Variants in AGL observed in about 807,000 individuals in gnomAD.
AGL encodes amylo-alpha-1,6-glucosidase and 4-alpha-glucanotransferase, also known as glycogen debranching enzyme.
In AGL, 128 loss-of-function variants were observed where a neutral mutation model predicts 199.3. The ratio of observed to expected loss-of-function variants is 0.64; its 90% CI spans 0.56 to 0.74. AGL has a LOEUF of 0.74. Among genes scored for constraint, AGL ranks in the 30% least tolerant of loss-of-function variants. AGL has a pLI of 0.00. For missense variants in AGL, 1,809 were observed against 1,820.8 expected (o/e 0.99, Z 0.12); for synonymous variants, 584 against 594.7 (o/e 0.98, Z 0.26).
intron 25 of AGL, among the ~76,000 whole-genome samples, chr1:99,896,703 T>C (rs750339294): frequency 3.9e-5 from 6 of 152,230 alleles, no homozygotes; most frequent in Non-Finnish European, 7.3e-5. Flanking sequence ...TTGCTAGTTC[T>C]TTGTCTGAGT....
intron 21 of AGL, 131 bp downstream of exon 21, chr1:99,888,239 T>TACTTGCCAAAGGTC: frequency 8.6e-7 from 1 of 1,168,852 alleles, no homozygotes; most frequent in Non-Finnish European, 1.2e-6. Flanking sequence ...TTCTGCTCAT[T>TACTTGCCAAAGGTC]AATTGACCTT....
At chr1:99,863,630 T>C (rs1204029273) in intron 4 of AGL, among the ~76,000 whole-genome samples, 2 of 152,060 alleles carry the variant, frequency 1.3e-5, no homozygotes, top group African/African-American at 4.8e-5. Flanking sequence ...ATATTTTGTA[T>C]TTTTAGTAGA....
Position 99,913,682 on chromosome 1 carries a change from T to C in AGL, c.4105T>C (p.Ser1369Pro), listed in dbSNP as rs2100860247. 6.2e-7 allele frequency: 1 copy of C among 1,614,124 alleles called. No individual in the cohort carries two copies. Among genetic ancestry groups the C allele is most frequent in the Non-Finnish European group, 8.5e-7 (1 of 1,180,000 alleles). Residue 1369 changes from serine to proline, a missense_variant, in exon 30 of 34, where the codon TCA (serine) becomes CCA (proline). Coordinates refer to ENST00000361915, the MANE Select transcript of AGL (RefSeq NM_000642.3). ...CATATACAAAGATAGTTATGGAGCTTCAAGTCCTTGGTGTGACTATCAGCT... is the reference window on the plus strand; with the variant it reads ...CATATACAAAGATAGTTATGGAGCTCCAAGTCCTTGGTGTGACTATCAGCT... ...RGIYKDSYGA[S>P]SPWCDYQLRP...
At chr1:99,877,993 A>G (rs1484925380) in intron 12 of AGL, among the ~76,000 whole-genome samples, 165 bp downstream of exon 12, 3 of 152,172 alleles carry the variant, frequency 2.0e-5, no homozygotes, top group Non-Finnish European at 4.4e-5. Context: ...AATTCTAACA[A>G]TCTTTTGCAG....
chr1:99,887,922 C>G, intron 20 of AGL, 56 bp from the exon 21 acceptor site: 4 of 1,593,604 alleles, frequency 2.5e-6, no homozygotes, highest in Non-Finnish European at 3.4e-6. Context: ...TCTTTTGTTT[C>G]TATTGACAAC....
Position 99,916,723 on chromosome 1 carries a change from T to A in AGL, c.4473T>A (p.His1491Gln). Residue 1491 changes from histidine to glutamine, a missense_variant, in exon 33 of 34, where the codon CAT becomes CAA. His to Gln is a conservative substitution (Grantham distance 24). Coordinates refer to ENST00000361915, the MANE Select transcript of AGL (RefSeq NM_000642.3). The stretch of plus-strand genomic sequence containing the variant: ...ATGTTCTTTCCCGACATTATGTTCA[T>A]CTTGAGAGGTAAGTCATCAGGAGCA... ...VKNVLSRHYV[H>Q]LERSPWKGLP... 6.2e-7 allele frequency: 1 copy of A among 1,613,292 alleles called. No individual in the cohort carries two copies. Among genetic ancestry groups the A allele is most frequent in the Non-Finnish European group, 8.5e-7 (1 of 1,179,464 alleles).
intron 25 of AGL, among the ~76,000 whole-genome samples, chr1:99,899,474 T>C (rs1653620766): frequency 6.6e-6 from 1 of 152,154 alleles, no homozygotes; most frequent in Non-Finnish European, 1.5e-5. Context: ...GGTTGAATTA[T>C]GTTTTTCAAG....
At position 99,923,710 on chromosome 1, in the gene AGL, G is replaced by A. The variant is rs933132686; in HGVS notation, c.*2059G>A. On this transcript the variant is annotated 3_prime_UTR_variant, in exon 34 of 34. Coordinates refer to ENST00000361915, the MANE Select transcript of AGL (RefSeq NM_000642.3). ...AGGTGTCATTTGACTAAACGTTTCG[G>A]TAGAATGCTTCATACTTGAGTGATG... 2 of 152,166 alleles carry A rather than the reference G, an allele frequency of 1.3e-5. No homozygotes were observed. The highest frequency in any genetic ancestry group is 3.8e-4 in the East Asian group (2 of 5,196). 9.4% of individuals were successfully genotyped at this position (152,166 alleles called of 1,614,324 possible).
chr1:99,894,796 A>T (rs892057916), intron 24 of AGL, among the ~76,000 whole-genome samples: 1 of 152,128 alleles, frequency 6.6e-6, no homozygotes, highest in Non-Finnish European at 1.5e-5. Flanking sequence ...CAGTCATCAA[A>T]TATTTATAGG....
At position 99,901,994 on chromosome 1, in the gene AGL, A is replaced by G. The variant is rs1418788491; in HGVS notation, c.3589-689A>G. Among the ~76,000 whole-genome samples, 5 of 152,164 alleles carry G rather than the reference A, an allele frequency of 3.3e-5. No individual in the cohort carries two copies. In the East Asian group the frequency reaches 9.7e-4, roughly 29 times the overall value. ...TCTCACAGTTTATCCAAAAATATTC[A>G]CAGCATTATAATTTTTATAATTAAT... On this transcript the variant is annotated intron_variant, in intron 26 of 33. Transcript: ENST00000361915.
At chr1:99,874,628 A>T in intron 7 of AGL, 59 bp from the exon 8 acceptor site, 1 of 1,503,250 alleles carries the variant, frequency 6.7e-7, no homozygotes, top group Middle Eastern at 1.7e-4. Flanking sequence ...GAAAATAGTG[A>T]CAGTTATAAT....
intron 31 of AGL, 146 bp downstream of exon 31, chr1:99,915,632 G>C: frequency 1.5e-6 from 1 of 686,194 alleles, no homozygotes; most frequent in Non-Finnish European, 2.5e-6. Flanking sequence ...TTAGTTGGGA[G>C]AGATTGTGTA....
At chr1:99,873,433 CTTTTT>C (rs553707025) in intron 7 of AGL, among the ~76,000 whole-genome samples, 2 of 131,174 alleles carry the variant, frequency 1.5e-5, no homozygotes, top group Non-Finnish European at 1.6e-5. Flanking sequence ...TGGCAGTGTT[CTTTTT>C]TTTTTTTTTT....
At chr1:99,900,910 A>G (rs1653785552) in intron 26 of AGL, 49 bp downstream of exon 26, 1 of 1,395,306 alleles carries the variant, frequency 7.2e-7, no homozygotes, top group Non-Finnish European at 1.0e-6. Context: ...TTTTTTCTGA[A>G]AAATGACTTT....
In AGL at chr1:99,864,269, G is replaced by T. The variant is rs534662; in HGVS notation, c.461-117G>T. Reference sequence around the variant, plus strand: ...CAAGTGTTTGACCTCTTTTCCAGTAGCATGCTTGCCTTGCTATTTATAATT... The same window carrying T: ...CAAGTGTTTGACCTCTTTTCCAGTATCATGCTTGCCTTGCTATTTATAATT... On this transcript the variant is annotated intron_variant, in intron 4 of 33. Coordinates refer to ENST00000361915, the MANE Select transcript of AGL (RefSeq NM_000642.3). The T allele has an allele frequency of 7.9e-3, 7,345 of 929,334 alleles. 343 individuals carry two copies. The African/African-American group carries it at 0.11, about 13-fold the overall frequency. 57.6% of individuals were successfully genotyped at this position (929,334 alleles called of 1,614,324 possible). A position where few individuals can be genotyped will look rare whatever the true frequency, so the allele number is the denominator to read the frequency against.
chr1:99,860,858 C>T (rs965756223), intron 2 of AGL, among the ~76,000 whole-genome samples: 7 of 152,282 alleles, frequency 4.6e-5, no homozygotes, highest in East Asian at 1.9e-4. Flanking sequence ...GCAAACACTC[C>T]AAGTCAGAGG....
chr1:99,877,566 A>G, intron 11 of AGL, 75 bp from the exon 12 acceptor site: 1 of 1,374,896 alleles, frequency 7.3e-7, no homozygotes, highest in South Asian at 1.2e-5. Context: ...AGCAATTTAA[A>G]AACCAGTGTT....
chr1:99,891,932 A>G (rs1344611129), intron 23 of AGL, among the ~76,000 whole-genome samples, 193 bp downstream of exon 23: 1 of 152,110 alleles, frequency 6.6e-6, no homozygotes, highest in Admixed American at 6.5e-5. Context: ...ATATTATAAA[A>G]TCTGTTCTAA....
chr1:99,861,293 A>G (rs1383910223), intron 2 of AGL: 9 of 1,416,784 alleles, frequency 6.4e-6, no homozygotes, highest in Non-Finnish European at 8.3e-6. Flanking sequence ...TACAGAGCAG[A>G]CAGCTCTATG....
Sources: gnomAD v4.1 joint callset for allele counts (sites outside exome capture counted in the v4.1 genomes callset) on GRCh38, gnomAD v4.1.1 for gene constraint, MANE v1.5 for transcripts, NCBI Gene and HGNC (gene_info 2026-07-23, HGNC 2026-07-21) for gene names.